Variants in ITGB4 observed in about 807,000 individuals in gnomAD.
ITGB4 encodes integrin beta-4.
Under a neutral mutation model 207.6 loss-of-function variants are expected in ITGB4, and 159 were observed. The ratio of observed to expected loss-of-function variants is 0.77; its 90% CI spans 0.67 to 0.87. The LOEUF is 0.87. ITGB4 is among the 40% of genes least tolerant of loss of function. The pLI is 0.00. For missense variants in ITGB4, 2,278 were observed against 2,546.8 expected (o/e 0.89, Z 2.27); for synonymous variants, 1,020 against 1,062.7 (o/e 0.96, Z 0.78).
Position 75,756,795 on chromosome 17 carries a change from G to T in ITGB4, c.4989G>T (p.Arg1663=), listed in dbSNP as rs906375343. ...ACTCGCTGCAGCTGAGCTGGGAGCG[G>T]CCACGGAGGCCCAATGGGGATATCG... ...SPDSLQLSWE[R]PRRPNGDIVG... Residue 1663 remains arginine (R), a synonymous_variant, in exon 37 of 40, where the codon CGG becomes CGT. Transcript: ENST00000200181. 6.2e-7 allele frequency: 1 copy of T among 1,612,646 alleles called. No individual in the cohort carries two copies. The highest frequency in any genetic ancestry group is 8.5e-7 in the Non-Finnish European group (1 of 1,180,016).
At chr17:75,751,683 G>A (rs2061370112) in intron 30 of ITGB4, 1 of 222,524 alleles carries the variant, frequency 4.5e-6, no homozygotes, top group Non-Finnish European at 9.1e-6. Flanking sequence ...GCAGGTTGCA[G>A]TGAACCGAGA....
chr17:75,727,662 T>A lies in ITGB4; in HGVS notation c.276T>A (p.Ile92=), dbSNP rs2148463979. 6.2e-7 allele frequency: 1 copy of A among 1,606,768 alleles called. No homozygotes were observed. Among genetic ancestry groups the A allele is most frequent in the East Asian group, 2.2e-5 (1 of 44,718 alleles). ...TCCACTGGCTGCAGGAGACCCAGATTGACACCACCCTGCGGCGCAGCCAGA... is the reference window on the plus strand; with the variant it reads ...TCCACTGGCTGCAGGAGACCCAGATAGACACCACCCTGCGGCGCAGCCAGA... ...SSFQITEETQ[I]DTTLRRSQMS... Residue 92 remains isoleucine (I), a synonymous_variant, in exon 5 of 40, where the codon ATT becomes ATA. Coordinates refer to ENST00000200181, the MANE Select transcript of ITGB4 (RefSeq NM_000213.5). The surrounding 1 kb of genome is among the most constrained non-coding windows in gnomAD (Gnocchi z 6.0).
intron 6 of ITGB4, among the ~76,000 whole-genome samples, chr17:75,728,986 C>CA (rs933959785): frequency 0.078 from 3,509 of 45,218 alleles, 72 homozygotes; most frequent in African/African-American, 0.11. Flanking sequence ...TCTGTCTCAA[C>CA]AAAAAAAAAA....
chr17:75,757,321 A>T lies in ITGB4; in HGVS notation c.5329+11A>T. 6.2e-7 allele frequency: 1 copy of T among 1,612,486 alleles called. No individual in the cohort carries two copies. Among genetic ancestry groups the T allele is most frequent in the Non-Finnish European group, 8.5e-7 (1 of 1,179,924 alleles). Reference sequence around the variant, plus strand: ...AGCCCTTCCTAGTGGGTGAGCACTGAGGGCTAGGGGATCCCGGCTCTCCTG... The same window carrying T: ...AGCCCTTCCTAGTGGGTGAGCACTGTGGGCTAGGGGATCCCGGCTCTCCTG... On this transcript the variant is annotated intron_variant, in intron 39 of 39. Coordinates refer to ENST00000200181, the MANE Select transcript of ITGB4 (RefSeq NM_000213.5).
Position 75,750,068 on chromosome 17 carries a change from A to T in ITGB4, c.3317-43A>T, listed in dbSNP as rs758409528. 3.7e-6 allele frequency: 6 copies of T among 1,612,786 alleles called. No homozygotes were observed. The highest frequency in any genetic ancestry group is 5.1e-6 in the Non-Finnish European group (6 of 1,179,666). On this transcript the variant is annotated intron_variant, in intron 27 of 39. Coordinates refer to ENST00000200181, the MANE Select transcript of ITGB4 (RefSeq NM_000213.5). The surrounding 1 kb of genome is among the most constrained non-coding windows in gnomAD (Gnocchi z 5.5). ...GGTCTCTGGCGCCCCCTGGTGGTGAAGGGGGATCTGAGTGGTTGCCCGGCC... is the reference window on the plus strand; with the variant it reads ...GGTCTCTGGCGCCCCCTGGTGGTGATGGGGGATCTGAGTGGTTGCCCGGCC...
At chr17:75,735,245 G>T (rs892886233) in intron 13 of ITGB4, among the ~76,000 whole-genome samples, 1 of 151,794 alleles carries the variant, frequency 6.6e-6, no homozygotes, top group African/African-American at 2.4e-5. Context: ...CCACCACCAA[G>T]CCCAGCTAAT....
intron 15 of ITGB4, 56 bp downstream of exon 15, chr17:75,736,442 G>T: frequency 6.2e-7 from 1 of 1,609,018 alleles, no homozygotes; most frequent in South Asian, 1.1e-5. Flanking sequence ...ACAGGGCAGT[G>T]TGGGCAGGAG....
rs2061049969 is a variant in ITGB4, at chr17:75,739,193, G to T, written c.2221-479G>T. Among the ~76,000 whole-genome samples, 1 of 150,934 alleles carries T rather than the reference G, an allele frequency of 6.6e-6. No individual in the cohort carries two copies. Among genetic ancestry groups the T allele is most frequent in the African/African-American group, 2.4e-5 (1 of 40,994 alleles). ...GCCTATAATCCCAGTTACTAGGGGG[G>T]CTGAGGCAGGAGAATTGCTTGAACC... On this transcript the variant is annotated intron_variant, in intron 18 of 39. Coordinates refer to ENST00000200181, the MANE Select transcript of ITGB4 (RefSeq NM_000213.5). This position sits in a 1 kb window ranked among gnomAD's most constrained non-coding sequence, Gnocchi z 5.4.
At chr17:75,738,461 T>A (rs1483858207) in intron 18 of ITGB4, among the ~76,000 whole-genome samples, 1 of 152,096 alleles carries the variant, frequency 6.6e-6, no homozygotes, top group Non-Finnish European at 1.5e-5. Flanking sequence ...ATGGAGAAAT[T>A]GGGGCTGAGA....
At position 75,739,877 on chromosome 17, in the gene ITGB4, C is replaced by T. The variant is rs773356503; in HGVS notation, c.2255-3C>T. 2 of 1,613,500 alleles carry T rather than the reference C, an allele frequency of 1.2e-6. No individual in the cohort carries two copies. Among genetic ancestry groups the T allele is most frequent in the South Asian group, 2.2e-5 (2 of 91,082 alleles). Reference sequence around the variant, plus strand: ...GTGCCGTGCTGAGGACCCCATCCTGCAGGTCACATGGTGGGCTTTAAGGAA... The same window carrying T: ...GTGCCGTGCTGAGGACCCCATCCTGTAGGTCACATGGTGGGCTTTAAGGAA... On this transcript the variant is annotated splice_polypyrimidine_tract_variant and splice_region_variant and intron_variant, in intron 19 of 39. Transcript: ENST00000200181. The surrounding 1 kb of genome is among the most constrained non-coding windows in gnomAD (Gnocchi z 5.4).
Position 75,731,395 on chromosome 17 carries a change from G to A in ITGB4, c.1215+27G>A. Reference sequence around the variant, plus strand: ...TACGCCTCTGTGGGGGCAGCGGGGTGGGGGATAGGCACAGCGCCCCACACC... The same window carrying A: ...TACGCCTCTGTGGGGGCAGCGGGGTAGGGGATAGGCACAGCGCCCCACACC... On this transcript the variant is annotated intron_variant, in intron 10 of 39. Coordinates refer to ENST00000200181, the MANE Select transcript of ITGB4 (RefSeq NM_000213.5). This position sits in a 1 kb window ranked among gnomAD's most constrained non-coding sequence, Gnocchi z 6.8. 1 of 1,597,848 alleles carries A rather than the reference G, an allele frequency of 6.3e-7. No individual in the cohort carries two copies. Among genetic ancestry groups the A allele is most frequent in the Non-Finnish European group, 8.5e-7 (1 of 1,169,614 alleles).
At chr17:75,737,090 G>A (rs1479681723) in intron 16 of ITGB4, among the ~76,000 whole-genome samples, 1 of 152,176 alleles carries the variant, frequency 6.6e-6, no homozygotes, top group Non-Finnish European at 1.5e-5. Context: ...TCCAGGTCAG[G>A]GAAGTGGGGG....
rs1283026293 is a variant in ITGB4, at chr17:75,754,802, CG to C, written c.4546del (p.Val1516SerfsTer8). The C allele has an allele frequency of 6.2e-7, 1 of 1,613,974 alleles. No individual in the cohort carries two copies. The highest frequency in any genetic ancestry group is 1.3e-5 in the African/African-American group (1 of 74,924). On this transcript the variant is annotated frameshift_variant, in exon 34 of 40. Transcript: ENST00000200181. LOFTEE classifies it high-confidence loss of function. ...LPRDYSTLTS[V>X]SSHDSRLTAG... ...CCAGGGACTACTCCACCCTCACCTC[CG>C]TCTCCTCCCACGGTGAGTGACCTCA...
rs578112147 is a variant in ITGB4, at chr17:75,750,356, C to A, written c.3474+88C>A. On this transcript the variant is annotated intron_variant, in intron 28 of 39. Transcript: ENST00000200181. The surrounding 1 kb of genome is among the most constrained non-coding windows in gnomAD (Gnocchi z 5.5). ...AGAGGTGGGCCGTCCAAGGCCAGGG[C>A]CCCCTGAGAGAGAGCAGACAGTGGA... 3.2e-5 allele frequency: 44 copies of A among 1,358,932 alleles called. 1 individual carries two copies. The South Asian group carries it at 5.5e-4, about 17-fold the overall frequency. The allele number at this position is 1,358,932 out of a possible 1,614,324, so 84.2% of individuals were successfully genotyped here.
Position 75,739,789 on chromosome 17 carries a change from G to A in ITGB4, c.2254+84G>A, listed in dbSNP as rs997884746. On this transcript the variant is annotated intron_variant, in intron 19 of 39. Transcript: ENST00000200181. This position sits in a 1 kb window ranked among gnomAD's most constrained non-coding sequence, Gnocchi z 5.4. ...GGTGGAGGGAAGCTGAACCTGGAAC[G>A]GCAGAGGCTGGAGGCTCTGGGGTCC... 17 of 1,609,528 alleles carry A rather than the reference G, an allele frequency of 1.1e-5. No homozygotes were observed. The highest frequency in any genetic ancestry group is 1.4e-5 in the Non-Finnish European group (17 of 1,176,280).
chr17:75,728,986 CA>C (rs933959785), intron 6 of ITGB4, among the ~76,000 whole-genome samples: 458 of 45,220 alleles, frequency 0.01, 1 homozygote, highest in Middle Eastern at 0.037. Context: ...TCTGTCTCAA[CA>C]AAAAAAAAAA....
rs746207956 is a variant in ITGB4 at position 75,756,935 on chromosome 17, C to G, written c.5054-8C>G. 1 of 1,612,450 alleles carries G rather than the reference C, an allele frequency of 6.2e-7. No homozygotes were observed. Among genetic ancestry groups the G allele is most frequent in the Non-Finnish European group, 8.5e-7 (1 of 1,179,898 alleles). ...GCCGCAGACGCTGAAGGCATCTTCC[C>G]TGCTCAGGGCCAGCCACCGCATTCC... On this transcript the variant is annotated splice_region_variant and splice_polypyrimidine_tract_variant and intron_variant, in intron 37 of 39. Transcript: ENST00000200181.
In ITGB4 at chr17:75,742,202, C is replaced by A; in HGVS notation, c.2634-139C>A. 1.8e-6 allele frequency: 2 copies of A among 1,096,806 alleles called. No homozygotes were observed. The highest frequency in any genetic ancestry group is 2.7e-6 in the Non-Finnish European group (2 of 742,588). 67.9% of individuals were successfully genotyped at this position (1,096,806 alleles called of 1,614,324 possible). On this transcript the variant is annotated intron_variant, in intron 23 of 39. Transcript: ENST00000200181. The surrounding 1 kb of genome is among the most constrained non-coding windows in gnomAD (Gnocchi z 5.9). ...GTATGGGGCTGGCATAGGCCTGGAG[C>A]ACTGCCTGCCTCTGAAGACCCTGCA...
Position 75,739,947 on chromosome 17 carries a change from G to C in ITGB4, c.2322G>C (p.Leu774Phe). Residue 774 changes from leucine to phenylalanine, a missense_variant, in exon 20 of 40, where the codon TTG becomes TTC. Coordinates refer to ENST00000200181, the MANE Select transcript of ITGB4 (RefSeq NM_000213.5). This position sits in a 1 kb window ranked among gnomAD's most constrained non-coding sequence, Gnocchi z 5.4. ...LRENLMASDH[L>F]DTPMLRSGNL... The stretch of plus-strand genomic sequence containing the variant: ...AGAACCTGATGGCCTCTGACCACTT[G>C]GACACGCCCATGCTGCGCAGCGGGA... 6.2e-7 allele frequency: 1 copy of C among 1,613,308 alleles called. No individual in the cohort carries two copies. Among genetic ancestry groups the C allele is most frequent in the Non-Finnish European group, 8.5e-7 (1 of 1,180,022 alleles).
Sources: gnomAD v4.1 joint callset for allele counts (sites outside exome capture counted in the v4.1 genomes callset) on GRCh38, gnomAD v4.1.1 for gene constraint, Gnocchi (gnomAD v3.1) non-coding constraint, MANE v1.5 for transcripts, NCBI Gene and HGNC (gene_info 2026-07-23, HGNC 2026-07-21) for gene names.